The following RAD54L variants were observed in gnomAD, a reference collection of about 807,000 sequenced individuals.
RAD54L encodes the protein DNA repair and recombination protein RAD54-like.
A neutral mutation model predicts 91.6 loss-of-function variants in RAD54L; 74 were observed. That is an observed-to-expected ratio of 0.81 (90% CI 0.67 to 0.98). The LOEUF is 0.98. RAD54L is among the 50% of genes least tolerant of loss of function. The pLI is 0.00. For synonymous variants in RAD54L, 304 were observed against 349.7 expected, an observed-to-expected ratio of 0.87 and a Z score of 1.46; for missense variants, 887 against 945.7, an observed-to-expected ratio of 0.94 and a Z score of 0.81.
chr1:46,264,982 G>A (rs955445610), intron 8 of RAD54L, among the ~76,000 whole-genome samples: 1 of 152,184 alleles, frequency 6.6e-6, no homozygotes, highest in East Asian at 1.9e-4. Flanking sequence ...TTTATTAAGT[G>A]CCTTTTATGT....
chr1:46,250,990 AAAAAC>A (rs937175217), intron 3 of RAD54L, among the ~76,000 whole-genome samples: 10 of 151,388 alleles, frequency 6.6e-5, no homozygotes, highest in South Asian at 2.1e-4. Context: ...ACAAAAAACA[AAAAAC>A]AAAACAAAAC....
At chr1:46,273,261 C>A in intron 12 of RAD54L, 94 bp from the exon 13 acceptor site, 1 of 1,057,292 alleles carries the variant, frequency 9.5e-7, no homozygotes, top group Non-Finnish European at 1.5e-6. Flanking sequence ...TGAGGAAGGC[C>A]TTTTGGGCTA....
intron 9 of RAD54L, among the ~76,000 whole-genome samples, chr1:46,269,881 T>TA (rs1479701126): frequency 6.6e-6 from 1 of 151,694 alleles, no homozygotes; most frequent in Non-Finnish European, 1.5e-5. Context: ...GGCGGGAGGG[T>TA]ACCTTGAGCC....
chr1:46,259,909 C>G (rs1333512243), intron 4 of RAD54L, 55 bp from the exon 5 acceptor site: 1 of 1,612,560 alleles, frequency 6.2e-7, no homozygotes, highest in Non-Finnish European at 8.5e-7. Flanking sequence ...TTGAGCTGGG[C>G]TTGCTGGAGC....
intron 3 of RAD54L, among the ~76,000 whole-genome samples, chr1:46,254,560 C>T (rs1659888844): frequency 6.6e-6 from 1 of 151,552 alleles, no homozygotes; most frequent in African/African-American, 2.4e-5. Context: ...GAGGGCTAAA[C>T]CCTGAGCCCT....
intron 9 of RAD54L, among the ~76,000 whole-genome samples, chr1:46,270,228 C>T (rs1438415245): frequency 6.6e-6 from 1 of 151,830 alleles, no homozygotes; most frequent in African/African-American, 2.4e-5. Context: ...ATTACCTGGG[C>T]ACGGAGAAGG....
At chr1:46,253,513 C>T (rs187217492) in intron 3 of RAD54L, among the ~76,000 whole-genome samples, 36 of 151,726 alleles carry the variant, frequency 2.4e-4, no homozygotes, top group Admixed American at 1.8e-3. Context: ...CCTAGCTACT[C>T]GAGAGGCTGA....
Position 46,265,444 on chromosome 1 carries a change from T to C in RAD54L, c.892-2015T>C, listed in dbSNP as rs1427776673. 1.3e-5 allele frequency among the ~76,000 whole-genome samples: 2 copies of C among 152,158 alleles called. No homozygotes were observed. Among genetic ancestry groups the C allele is most frequent in the Middle Eastern group, 3.4e-3 (1 of 294 alleles). On this transcript the variant is annotated intron_variant, in intron 8 of 17. Coordinates refer to ENST00000371975, the MANE Select transcript of RAD54L (RefSeq NM_003579.4). This position sits in a 1 kb window ranked among gnomAD's most constrained non-coding sequence, Gnocchi z 4.8. ...ACATGCCACCACACCCAGCTAATTTTTGTATTTTTAGTAGAGACAGGGTTT... is the reference window on the plus strand; with the variant it reads ...ACATGCCACCACACCCAGCTAATTTCTGTATTTTTAGTAGAGACAGGGTTT...
At chr1:46,250,270 G>T (rs1309787567) in intron 3 of RAD54L, 151 bp downstream of exon 3, 2 of 1,110,536 alleles carry the variant, frequency 1.8e-6, no homozygotes, top group Admixed American at 3.5e-5. Flanking sequence ...AGCTGCTGGG[G>T]CCTGCTTAGA....
chr1:46,248,320 T>G lies in RAD54L; in HGVS notation c.-86T>G. 2.0e-6 allele frequency: 3 copies of G among 1,534,472 alleles called. No homozygotes were observed. Among genetic ancestry groups the G allele is most frequent in the Non-Finnish European group, 2.7e-6 (3 of 1,113,484 alleles). On this transcript the variant is annotated 5_prime_UTR_variant, in exon 1 of 18. In the 5' UTR this introduces an upstream ATG that the reference lacks. Coordinates refer to ENST00000371975, the MANE Select transcript of RAD54L (RefSeq NM_003579.4). ...TAATGTAGCAGCCCCCTCTACAGAT[T>G]AGACCCTGGTCCTACACTCTTAGCC...
rs187203660 is a variant in RAD54L at position 46,263,071 on chromosome 1, C to G, written c.891+1686C>G. On this transcript the variant is annotated intron_variant, in intron 8 of 17. Transcript: ENST00000371975. This position sits in a 1 kb window ranked among gnomAD's most constrained non-coding sequence, Gnocchi z 4.3. ...GTCATAAGGCCTTGGCAAACGTAAG[C>G]TCTTGGTGGTTATTCCAGGCTGGGG... Among the ~76,000 whole-genome samples, 6 of 152,206 alleles carry G rather than the reference C, an allele frequency of 3.9e-5. No individual in the cohort carries two copies. Among genetic ancestry groups the G allele is most frequent in the African/African-American group, 1.4e-4 (6 of 41,544 alleles).
rs1277499745 is a variant in RAD54L, at chr1:46,261,195, G to GTTTTTTTTT, written c.767-58_767-57insTTTTTTTTT. On this transcript the variant is annotated intron_variant, in intron 7 of 17. Transcript: ENST00000371975. ...GGCTAAATTAAAGAACTGTCTAATTGTTTTTTTTGTTTTTTTTTTTTTCAA... is the reference window on the plus strand; with the variant it reads ...GGCTAAATTAAAGAACTGTCTAATTGTTTTTTTTTTTTTTTTTGTTTTTTTTTTTTTCAA... 275 of 1,554,734 alleles carry GTTTTTTTTT rather than the reference G, an allele frequency of 1.8e-4. No individual in the cohort carries two copies. The African/African-American group carries it at 2.5e-3, about 14-fold the overall frequency.
At chr1:46,255,074 G>A (rs1557699149) in intron 3 of RAD54L, among the ~76,000 whole-genome samples, 1 of 152,196 alleles carries the variant, frequency 6.6e-6, no homozygotes, top group Non-Finnish European at 1.5e-5. Flanking sequence ...GGTCATGTAG[G>A]CCATTCGTGA....
chr1:46,261,148 G>T (rs1414284979), intron 7 of RAD54L, 113 bp from the exon 8 acceptor site: 22 of 1,546,214 alleles, frequency 1.4e-5, no homozygotes, highest in Non-Finnish European at 1.9e-5. Flanking sequence ...GAAAATAGTT[G>T]AAGTGGAGTC....
intron 16 of RAD54L, 145 bp from the exon 17 acceptor site, chr1:46,277,672 A>C: frequency 1.8e-5 from 16 of 907,940 alleles, no homozygotes; most frequent in Non-Finnish European, 2.3e-5. Context: ...TCAGCTGAGT[A>C]GAGATAATGT....
intron 10 of RAD54L, among the ~76,000 whole-genome samples, 196 bp from the exon 11 acceptor site, chr1:46,272,270 T>C (rs958245865): frequency 6.6e-6 from 1 of 152,018 alleles, no homozygotes; most frequent in Admixed American, 6.6e-5. Flanking sequence ...CTTGAACTCC[T>C]GACCACAGGT....
At chr1:46,270,550 T>C in intron 9 of RAD54L, 109 bp from the exon 10 acceptor site, 1 of 1,465,206 alleles carries the variant, frequency 6.8e-7, no homozygotes, top group Non-Finnish European at 9.4e-7. Context: ...TTGTTTAGCC[T>C]TGTTCTTGGT....
intron 3 of RAD54L, among the ~76,000 whole-genome samples, chr1:46,258,265 T>G (rs191836016): frequency 6.6e-6 from 1 of 150,444 alleles, no homozygotes; most frequent in East Asian, 1.9e-4. Context: ...CCAAGGAGGC[T>G]GATGTGAGTA....
chr1:46,266,842 C>T (rs1326984071), intron 8 of RAD54L, among the ~76,000 whole-genome samples: 1 of 152,130 alleles, frequency 6.6e-6, no homozygotes, highest in African/African-American at 2.4e-5. Context: ...GCTGCCAAGG[C>T]TCTGGAGGTG....
Sources: gnomAD v4.1 joint callset for allele counts (sites outside exome capture counted in the v4.1 genomes callset) on GRCh38, gnomAD v4.1.1 for gene constraint, Gnocchi (gnomAD v3.1) non-coding constraint, MANE v1.5 for transcripts, NCBI Gene and HGNC (gene_info 2026-07-23, HGNC 2026-07-21) for gene names.